The following NHS variants were observed in gnomAD, a reference collection of about 807,000 sequenced individuals.
The protein encoded by NHS is actin remodeling regulator NHS.
NHS carries 5 observed loss-of-function variants against 72.5 expected under a neutral mutation model. The ratio of observed to expected loss-of-function variants is 0.07; its 90% CI spans 0.04 to 0.14. The LOEUF (loss-of-function observed/expected upper bound fraction) is 0.14. Among genes scored for constraint, NHS ranks in the 10% least tolerant of loss-of-function variants. The probability of loss-of-function intolerance (pLI) is 1.00; values close to 1 mark genes in which losing one functional copy is unlikely to be tolerated. For missense variants in NHS, 1,072 were observed against 1,355.7 expected (o/e 0.79, Z 3.29); for synonymous variants, 464 against 547.7 (o/e 0.85, Z 2.13).
intron 3 of NHS, among the ~76,000 whole-genome samples, chrX:17,702,513 C>T (rs2066271665): frequency 9.0e-6 from 1 of 110,635 alleles, no homozygotes; most frequent in Non-Finnish European, 1.9e-5. Context: ...ACGGTGAAAC[C>T]CCATCGCTAT....
At chrX:17,426,052 G>A (rs1401050270) in intron 1 of NHS, 1 of 111,873 alleles carries the variant, frequency 8.9e-6, no homozygotes, top group Admixed American at 9.5e-5. Context: ...TCCTAAACCC[G>A]TGATGTAGAC....
intron 1 of NHS, among the ~76,000 whole-genome samples, chrX:17,513,029 G>A (rs754644481): frequency 9.8e-5 from 11 of 112,087 alleles, no homozygotes; most frequent in Non-Finnish European, 2.1e-4. Flanking sequence ...CTCACCTGGA[G>A]ACTGCAACCC....
intron 1 of NHS, among the ~76,000 whole-genome samples, chrX:17,607,287 C>T (rs941588674): frequency 5.4e-5 from 6 of 111,596 alleles, no homozygotes; most frequent in South Asian, 3.8e-4. Context: ...CCTACCCCAT[C>T]GGATTACTCA....
chrX:17,521,761 T>C (rs2065149961), intron 1 of NHS, among the ~76,000 whole-genome samples: 1 of 112,685 alleles, frequency 8.9e-6, no homozygotes, highest in Non-Finnish European at 1.9e-5. Context: ...CAATTTTTGC[T>C]GCTTAATTTT....
chrX:17,489,361 C>T (rs962300385), intron 1 of NHS, among the ~76,000 whole-genome samples: 22 of 112,353 alleles, frequency 2.0e-4, no homozygotes, highest in African/African-American at 5.8e-4. Context: ...CTTAAGGAAT[C>T]GCCACACTGA....
intron 1 of NHS, among the ~76,000 whole-genome samples, chrX:17,445,838 A>T (rs1410724653): frequency 6.4e-5 from 6 of 94,287 alleles, no homozygotes; most frequent in Admixed American, 2.3e-4. Flanking sequence ...GACAACATTT[A>T]AAAAAAAAAA....
chrX:17,678,271 G>GGGGT (rs1372306121), intron 1 of NHS, among the ~76,000 whole-genome samples: 5 of 102,707 alleles, frequency 4.9e-5, no homozygotes, highest in African/African-American at 1.5e-4. Flanking sequence ...AATGACTGTG[G>GGGGT]GTGTGTGTGT....
In NHS at chrX:17,697,424, A is replaced by C. The variant is rs577740943; in HGVS notation, c.852+4956A>C. Among the ~76,000 whole-genome samples, 11 of 112,259 alleles carry C rather than the reference A, an allele frequency of 9.8e-5. No homozygotes were observed. The South Asian group carries it at 3.3e-3, about 34-fold the overall frequency. ...GAGTAAGAGATAGATTAGCAGATCC[A>C]CATAGAGTGATTGCAAAAGGTCAAT... On this transcript the variant is annotated intron_variant, in intron 3 of 8. Coordinates refer to ENST00000676302, the MANE Select transcript of NHS (RefSeq NM_001291867.2).
intron 1 of NHS, among the ~76,000 whole-genome samples, chrX:17,609,588 A>G (rs960458485): frequency 8.9e-6 from 1 of 112,141 alleles, no homozygotes; most frequent in Non-Finnish European, 1.9e-5. Context: ...TGTAAATAAT[A>G]GGGAGGCAAG....
intron 1 of NHS, among the ~76,000 whole-genome samples, chrX:17,392,402 G>T (rs889216041): frequency 1.8e-5 from 2 of 112,378 alleles, no homozygotes; most frequent in African/African-American, 3.2e-5. Flanking sequence ...GAGGTACAGT[G>T]CTGGGAGCAA....
intron 1 of NHS, among the ~76,000 whole-genome samples, chrX:17,395,169 C>T (rs1674030212): frequency 9.5e-6 from 1 of 104,760 alleles, no homozygotes; most frequent in Non-Finnish European, 1.9e-5. Flanking sequence ...GATGGAGAAA[C>T]AGAGGCAAAG....
intron 3 of NHS, among the ~76,000 whole-genome samples, chrX:17,715,871 T>G (rs928486724): frequency 1.8e-5 from 2 of 111,842 alleles, no homozygotes; most frequent in African/African-American, 6.5e-5. Flanking sequence ...TTTATATACT[T>G]ATAGCTCATT....
chrX:17,654,263 C>A (rs1377457507), intron 1 of NHS, among the ~76,000 whole-genome samples: 1 of 111,721 alleles, frequency 9.0e-6, no homozygotes, highest in Non-Finnish European at 1.9e-5. Context: ...CCCACCCACC[C>A]CTTAAACCTT....
intron 1 of NHS, among the ~76,000 whole-genome samples, chrX:17,550,149 G>A (rs778798432): frequency 2.7e-5 from 3 of 111,929 alleles, no homozygotes; most frequent in Non-Finnish European, 3.8e-5. Context: ...GCATGCGCAC[G>A]TGCACACACA....
intron 3 of NHS, among the ~76,000 whole-genome samples, chrX:17,713,861 G>A (rs186512972): frequency 8.9e-6 from 1 of 112,042 alleles, no homozygotes; most frequent in East Asian, 2.8e-4. Flanking sequence ...CTGCTTTTGA[G>A]CATAATGTTT....
At chrX:17,618,610 T>C (rs1419491180) in intron 1 of NHS, among the ~76,000 whole-genome samples, 1 of 112,305 alleles carries the variant, frequency 8.9e-6, no homozygotes, top group Admixed American at 9.5e-5. Flanking sequence ...ACTTGACATA[T>C]TTAATAAATA....
intron 1 of NHS, among the ~76,000 whole-genome samples, chrX:17,516,074 T>G (rs751593543): frequency 3.5e-4 from 39 of 111,699 alleles, no homozygotes; most frequent in African/African-American, 1.2e-3. Flanking sequence ...AACTTAATCT[T>G]AATAGTATAT....
At chrX:17,606,810 T>G (rs1173529740) in intron 1 of NHS, among the ~76,000 whole-genome samples, 3 of 112,340 alleles carry the variant, frequency 2.7e-5, no homozygotes, top group Non-Finnish European at 3.8e-5. Flanking sequence ...CGATTCATAC[T>G]GAGACTCCTC....
intron 1 of NHS, among the ~76,000 whole-genome samples, chrX:17,575,736 T>C (rs971897164): frequency 8.9e-6 from 1 of 112,483 alleles, no homozygotes; most frequent in Admixed American, 9.4e-5. Context: ...ACAATGCTCC[T>C]CTCATGGTAG....
Sources: gnomAD v4.1 joint callset for allele counts (sites outside exome capture counted in the v4.1 genomes callset) on GRCh38, gnomAD v4.1.1 for gene constraint, MANE v1.5 for transcripts, NCBI Gene and HGNC (gene_info 2026-07-23, HGNC 2026-07-21) for gene names.